The following SLC6A19 variants were observed in gnomAD, a reference collection of about 807,000 sequenced individuals.
The protein encoded by SLC6A19 is sodium-dependent neutral amino acid transporter B(0)AT1.
In SLC6A19, 67 loss-of-function variants were observed where a neutral mutation model predicts 68.3. That is an observed-to-expected ratio of 0.98 (90% CI 0.81 to 1.20). The LOEUF is 1.20. SLC6A19 is among the 50% of genes most tolerant of loss of function. The pLI is 0.00. For synonymous variants in SLC6A19, 392 were observed against 374.9 expected (o/e 1.05, Z -0.53); for missense variants, 813 against 851.6 (o/e 0.95, Z 0.56).
rs1171797447 is a variant in SLC6A19, at chr5:1,210,527, T to C, written c.427T>C (p.Ser143Pro). 6.2e-7 allele frequency: 1 copy of C among 1,613,410 alleles called. No homozygotes were observed. The highest frequency in any genetic ancestry group is 1.1e-5 in the South Asian group (1 of 91,082). The change falls in exon 3 of 12, where the codon TCC (serine) becomes CCC (proline). Residue 143 changes from serine (S) to proline (P), a missense_variant. Transcript: ENST00000304460. ...ISWIMWYLFN[S>P]FQEPLPWSDC... ...CTGGATCATGTGGTACTTATTCAAC[T>C]CCTTCCAGGAGCCTCTGCCCTGGAG...
chr5:1,207,353 C>T (rs949202451), intron 1 of SLC6A19, among the ~76,000 whole-genome samples: 2 of 152,194 alleles, frequency 1.3e-5, no homozygotes, highest in East Asian at 3.9e-4. Context: ...GCCGTACGTC[C>T]ACCCGCAGAG....
chr5:1,213,642 C>A, intron 5 of SLC6A19, 69 bp downstream of exon 5: 1 of 1,439,280 alleles, frequency 6.9e-7, no homozygotes, highest in Non-Finnish European at 9.7e-7. Flanking sequence ...CCCCGCCAGC[C>A]TCAATACCAG....
intron 1 of SLC6A19, among the ~76,000 whole-genome samples, chr5:1,205,740 A>G (rs1203340125): frequency 6.6e-6 from 1 of 152,116 alleles, no homozygotes; most frequent in African/African-American, 2.4e-5. Flanking sequence ...TTTGTCTGGA[A>G]GAGTTTCAAA....
At chr5:1,211,915 A>G (rs10052304) in intron 3 of SLC6A19, among the ~76,000 whole-genome samples, 3,120 of 138,466 alleles carry the variant, frequency 0.023, 107 homozygotes, top group African/African-American at 0.085. Context: ...GTGTACATGC[A>G]TGTGTGTGCA....
At position 1,213,982 on chromosome 5, in the gene SLC6A19, G is replaced by C; in HGVS notation, c.804G>C (p.Trp268Cys). The C allele has an allele frequency of 6.2e-7, 1 of 1,613,548 alleles. No individual in the cohort carries two copies. The highest frequency in any genetic ancestry group is 1.6e-4 in the Middle Eastern group (1 of 6,062). Residue 268 changes from tryptophan (W) to cysteine (C), a missense_variant, in exon 6 of 12, where the codon TGG becomes TGC. Coordinates refer to ENST00000304460, the MANE Select transcript of SLC6A19 (RefSeq NM_001003841.3). ...CGGAGCTGGCCCAGCCGGACACCTG[G>C]CTGGACGCGGGCGCACAGGTCTTCT... Reference protein sequence around the residue: ...NVTELAQPDTWLDAGAQVFFS... With the variant: ...NVTELAQPDTCLDAGAQVFFS...
At chr5:1,208,608 G>GCTCCAT in intron 1 of SLC6A19, 138 bp from the exon 2 acceptor site, 1 of 1,152,772 alleles carries the variant, frequency 8.7e-7, no homozygotes. Context: ...TGGACTGGCT[G>GCTCCAT]CTCCATCTCA....
intron 8 of SLC6A19, among the ~76,000 whole-genome samples, chr5:1,218,006 C>CGCCTCCTCCT (rs1047197778): frequency 7.1e-4 from 3 of 4,232 alleles, no homozygotes; most frequent in African/African-American, 2.3e-3. Flanking sequence ...TCCATCCTGG[C>CGCCTCCTCCT]GCCTCCTCCC....
At chr5:1,211,075 A>G (rs550261094) in intron 3 of SLC6A19, among the ~76,000 whole-genome samples, 1 of 152,222 alleles carries the variant, frequency 6.6e-6, no homozygotes, top group East Asian at 1.9e-4. Flanking sequence ...CAATCAGCTC[A>G]CGGCGATTCA....
At position 1,214,158 on chromosome 5, in the gene SLC6A19, C is replaced by A. The variant is rs557290079; in HGVS notation, c.887+93C>A. The stretch of plus-strand genomic sequence containing the variant: ...AGACAAGGTGGAAAGCACTCTGTGG[C>A]TGTGTGGCCGGGGCCTTGCTGCCCC... On this transcript the variant is annotated intron_variant, in intron 6 of 11. Coordinates refer to ENST00000304460, the MANE Select transcript of SLC6A19 (RefSeq NM_001003841.3). The surrounding 1 kb of genome is among the most constrained non-coding windows in gnomAD (Gnocchi z 7.4). The A allele has an allele frequency of 6.9e-6, 11 of 1,584,208 alleles. No homozygotes were observed. In the East Asian group the frequency reaches 2.5e-4, roughly 37 times the overall value.
intron 9 of SLC6A19, 108 bp downstream of exon 9, chr5:1,219,215 G>A: frequency 9.1e-7 from 1 of 1,099,882 alleles, no homozygotes; most frequent in Non-Finnish European, 1.3e-6. Flanking sequence ...CAGCCCCCGG[G>A]CGTGTGAACA....
chr5:1,216,871 T>A lies in SLC6A19; in HGVS notation c.1099T>A (p.Cys367Ser), dbSNP rs1403032062. The part of the protein sequence containing the change: ...QENFVDMQQR[C>S]NASDPAAYAQ... The stretch of plus-strand genomic sequence containing the variant: ...GAACTTTGTGGACATGCAGCAGCGG[T>A]GCAACGCCTCCGACCCCGCGGCCTA... Residue 367 changes from cysteine to serine, a missense_variant, in exon 8 of 12, where the codon TGC becomes AGC. Transcript: ENST00000304460. The A allele has an allele frequency of 6.2e-7, 1 of 1,613,700 alleles. No individual in the cohort carries two copies.
At chr5:1,208,344 GC>G (rs1745913168) in intron 1 of SLC6A19, among the ~76,000 whole-genome samples, 1 of 152,142 alleles carries the variant, frequency 6.6e-6, no homozygotes, top group Admixed American at 6.5e-5. Context: ...GCTGTTGGAA[GC>G]CCCTGGCTGG....
chr5:1,208,994 C>A, intron 2 of SLC6A19, 108 bp downstream of exon 2: 1 of 1,393,922 alleles, frequency 7.2e-7, no homozygotes. Context: ...CCCTGCTCTG[C>A]CTTCCCTGTC....
chr5:1,216,833 A>G lies in SLC6A19; in HGVS notation c.1061A>G (p.Asn354Ser). 1.9e-6 allele frequency: 3 copies of G among 1,613,806 alleles called. No homozygotes were observed. The highest frequency in any genetic ancestry group is 2.5e-6 in the Non-Finnish European group (3 of 1,180,040). Residue 354 changes from asparagine to serine, a missense_variant, in exon 8 of 12, where the codon AAC becomes AGC. Coordinates refer to ENST00000304460, the MANE Select transcript of SLC6A19 (RefSeq NM_001003841.3). ...AACGGGTTCGACCTGCCTGAAGGCA[A>G]CGTGACCCAGGAGAACTTTGTGGAC... ...LINGFDLPEG[N>S]VTQENFVDMQ...
Position 1,220,238 on chromosome 5 carries a change from C to T in SLC6A19, c.1538+574C>T, listed in dbSNP as rs542977856. Among the ~76,000 whole-genome samples, 17 of 152,002 alleles carry T rather than the reference C, an allele frequency of 1.1e-4. No individual in the cohort carries two copies. In the South Asian group the frequency reaches 1.9e-3, roughly 17 times the overall value. On this transcript the variant is annotated intron_variant, in intron 10 of 11. Coordinates refer to ENST00000304460, the MANE Select transcript of SLC6A19 (RefSeq NM_001003841.3). ...CAGCCTGGCCAACGCGATGAAACGCCGTCTCTACTAATAATACAAAAATTA... is the reference window on the plus strand; with the variant it reads ...CAGCCTGGCCAACGCGATGAAACGCTGTCTCTACTAATAATACAAAAATTA...
intron 1 of SLC6A19, among the ~76,000 whole-genome samples, chr5:1,206,026 AC>A (rs1745841565): frequency 6.6e-6 from 1 of 152,150 alleles, no homozygotes; most frequent in African/African-American, 2.4e-5. Context: ...TGTCCCTGGA[AC>A]CCCAGCTCAG....
rs1746449673 is a variant in SLC6A19, at chr5:1,223,433, C to CA, written c.*1530dup. On this transcript the variant is annotated 3_prime_UTR_variant, in exon 12 of 12. Transcript: ENST00000304460. ...GGACCGTGCAGCCCCCAGAAGCTTC[C>CA]AGCTCCCGCACCACTCAGTGAAGCC... The CA allele has an allele frequency of 6.6e-6, 1 of 152,390 alleles. No homozygotes were observed. The highest frequency in any genetic ancestry group is 2.4e-5 in the African/African-American group (1 of 41,474). 9.4% of individuals were successfully genotyped at this position (152,390 alleles called of 1,614,324 possible).
chr5:1,216,175 TG>T (rs1746200796), intron 6 of SLC6A19, among the ~76,000 whole-genome samples: 1 of 152,098 alleles, frequency 6.6e-6, no homozygotes, highest in Admixed American at 6.5e-5. Flanking sequence ...GGGTGGAGGC[TG>T]GGGGAGAATG....
rs753145741 is a variant in SLC6A19 at position 1,219,620 on chromosome 5, C to T, written c.1494C>T (p.Ala498=). The T allele has an allele frequency of 6.2e-7, 1 of 1,609,690 alleles. No homozygotes were observed. Among genetic ancestry groups the T allele is most frequent in the South Asian group, 1.1e-5 (1 of 91,080 alleles). The change falls in exon 10 of 12, where the codon GCC becomes GCT. Residue 498 remains alanine (A), a synonymous_variant. Transcript: ENST00000304460. ...GCTCCATTCCCCTGCTCATCATCGC[C>T]TTCTGCGAGATGTTCTCTGTGGTCT... The part of the protein sequence containing the change: ...YAGSIPLLII[A]FCEMFSVVYV...
Sources: allele counts gnomAD v4.1 joint callset (sites outside exome capture counted in the v4.1 genomes callset), GRCh38; gene constraint gnomAD v4.1.1; non-coding constraint Gnocchi (gnomAD v3.1); transcripts MANE v1.5; gene names NCBI Gene and HGNC (gene_info 2026-07-23, HGNC 2026-07-21).